The following HDAC9 variants were observed in gnomAD, a reference collection of about 807,000 sequenced individuals.
HDAC9 encodes MEF-2 interacting transcription repressor (MITR) protein.
A neutral mutation model predicts 139.4 loss-of-function variants in HDAC9; 41 were observed. The observed-to-expected ratio is 0.29, with a 90% CI of 0.23 to 0.38. HDAC9 has a LOEUF of 0.38. HDAC9 is among the 10% of genes least tolerant of loss of function. The pLI, the probability that HDAC9 is intolerant of heterozygous loss-of-function variation, is 1.00. For missense variants in HDAC9, 1,147 were observed against 1,297.0 expected, an observed-to-expected ratio of 0.88 and a Z score of 1.78; for synonymous variants, 517 against 476.2, an observed-to-expected ratio of 1.09 and a Z score of -1.12.
At chr7:18,935,354 AATATT>A (rs1211550557) in intron 22 of HDAC9, among the ~76,000 whole-genome samples, 1 of 152,208 alleles carries the variant, frequency 6.6e-6, no homozygotes, top group African/African-American at 2.4e-5. Context: ...AGATAATGTA[AATATT>A]ATATTAGATA....
chr7:18,423,469 T>C (rs550663089), intron 1 of HDAC9, among the ~76,000 whole-genome samples: 108 of 152,246 alleles, frequency 7.1e-4, no homozygotes, highest in Non-Finnish European at 1.4e-3. Flanking sequence ...CTTAAAAGAA[T>C]AGATTTAACG....
intron 22 of HDAC9, among the ~76,000 whole-genome samples, chr7:18,920,689 C>A (rs1018059369): frequency 2.9e-4 from 44 of 152,004 alleles, no homozygotes; most frequent in Admixed American, 1.7e-3. Flanking sequence ...ATTTATTGAG[C>A]GTTTTTAGCA....
At chr7:18,125,699 G>A (rs142341179) in intron 1 of HDAC9, among the ~76,000 whole-genome samples, 12 of 152,152 alleles carry the variant, frequency 7.9e-5, no homozygotes, top group African/African-American at 2.6e-4. Context: ...CATATGGTCT[G>A]TGTTACAACT....
At chr7:18,738,278 A>T (rs559221442) in intron 13 of HDAC9, among the ~76,000 whole-genome samples, 106 of 152,216 alleles carry the variant, frequency 7.0e-4, no homozygotes, top group African/African-American at 2.5e-3. Context: ...TAATATTGTT[A>T]TGTGTGAATT....
At chr7:18,649,980 C>T (rs1172707977) in intron 11 of HDAC9, among the ~76,000 whole-genome samples, 2 of 152,120 alleles carry the variant, frequency 1.3e-5, no homozygotes, top group Non-Finnish European at 2.9e-5. Context: ...TATTTTATTG[C>T]TGTAGCACTT....
chr7:18,851,713 G>A (rs1797313411), intron 21 of HDAC9, among the ~76,000 whole-genome samples: 1 of 152,152 alleles, frequency 6.6e-6, no homozygotes, highest in Non-Finnish European at 1.5e-5. Flanking sequence ...ATGTTAGTTA[G>A]TATAGTGATT....
chr7:18,269,293 T>A (rs554036981), intron 2 of HDAC9, among the ~76,000 whole-genome samples: 1 of 152,318 alleles, frequency 6.6e-6, no homozygotes, highest in Admixed American at 6.5e-5. Flanking sequence ...GTGATTTGTA[T>A]CACTTGGCTA....
intron 1 of HDAC9, among the ~76,000 whole-genome samples, chr7:18,384,137 C>G (rs1785697343): frequency 6.6e-6 from 1 of 151,506 alleles, no homozygotes; most frequent in South Asian, 2.1e-4. Context: ...ATAGGAAGAT[C>G]TCATCTCTAC....
intron 17 of HDAC9, among the ~76,000 whole-genome samples, chr7:18,806,310 C>T (rs529374553): frequency 4.6e-5 from 7 of 152,310 alleles, no homozygotes; most frequent in Admixed American, 6.5e-5. Flanking sequence ...TGACAGGACT[C>T]AATGGGCCAA....
chr7:18,150,262 G>T (rs1289658070), intron 1 of HDAC9, among the ~76,000 whole-genome samples: 1 of 151,762 alleles, frequency 6.6e-6, no homozygotes. Flanking sequence ...CAACAAAACA[G>T]TCTGATTTAT....
intron 2 of HDAC9, among the ~76,000 whole-genome samples, chr7:18,192,199 A>T (rs1562730680): frequency 1.3e-5 from 2 of 151,720 alleles, no homozygotes; most frequent in Admixed American, 6.6e-5. Flanking sequence ...TAGAAAGTTA[A>T]TTTTTTTTTA....
At chr7:18,888,759 G>T (rs1017619138) in intron 22 of HDAC9, among the ~76,000 whole-genome samples, 1 of 152,144 alleles carries the variant, frequency 6.6e-6, no homozygotes, top group Non-Finnish European at 1.5e-5. Context: ...TTATTTTAAT[G>T]ATAGAAGTGA....
chr7:18,786,603 TTCCTTCCTTCCTTCCCTCCCTCCC>T lies in HDAC9; in HGVS notation c.2215-6728_2215-6705del, dbSNP rs1411204161. 2.9e-4 allele frequency among the ~76,000 whole-genome samples: 26 copies of T among 90,734 alleles called. 1 individual carries two copies. The highest frequency in any genetic ancestry group is 8.5e-4 in the African/African-American group (19 of 22,364). The allele number at this position is 90,734 out of a possible 152,430, so 59.5% of individuals were successfully genotyped here. ...CTGGCTGGCTTCCTTCCTTCCTTCC[TTCCTTCCTTCCTTCCCTCCCTCCC>T]TCCTTCCTTCCTTTCTTCCCTCCTT... On this transcript the variant is annotated intron_variant, in intron 16 of 25. Transcript: ENST00000686413.
chr7:18,917,038 A>G (rs1238632158), intron 22 of HDAC9, among the ~76,000 whole-genome samples: 1 of 152,022 alleles, frequency 6.6e-6, no homozygotes, highest in Non-Finnish European at 1.5e-5. Context: ...ATTGTGCCCA[A>G]TCAGAGATGA....
chr7:18,134,224 T>C (rs1289095102), intron 1 of HDAC9, among the ~76,000 whole-genome samples: 1 of 152,174 alleles, frequency 6.6e-6, no homozygotes, highest in Admixed American at 6.6e-5. Flanking sequence ...TTTCAGAGAC[T>C]AAATTATCTT....
intron 1 of HDAC9, among the ~76,000 whole-genome samples, chr7:18,375,585 G>A (rs915656342): frequency 1.1e-4 from 16 of 152,154 alleles, no homozygotes; most frequent in African/African-American, 4.8e-5. Flanking sequence ...CACCACATAT[G>A]TGGTGCAGAT....
intron 16 of HDAC9, chr7:18,793,025 C>T (rs1193834688): frequency 2.3e-5 from 6 of 256,326 alleles, no homozygotes; most frequent in Admixed American, 9.5e-5. Context: ...AAGCCAGATC[C>T]GGCCTATGTA....
At position 18,173,256 on chromosome 7, in the gene HDAC9, A is replaced by G. The variant is rs1478788463; in HGVS notation, c.25+10907A>G. Among the ~76,000 whole-genome samples the G allele has an allele frequency of 5.9e-5, 9 of 152,238 alleles. No individual in the cohort carries two copies. In the East Asian group the frequency reaches 1.7e-3, roughly 29 times the overall value. On this transcript the variant is annotated intron_variant, in intron 2 of 12. Transcript: ENST00000417496. ...TTGTTGGTTTAAAGTCTGTTTTATCAGAGACTAGGATTGCAACCCCTGTTT... is the reference window on the plus strand; with the variant it reads ...TTGTTGGTTTAAAGTCTGTTTTATCGGAGACTAGGATTGCAACCCCTGTTT...
At chr7:18,278,485 G>A (rs2128218548) in intron 2 of HDAC9, among the ~76,000 whole-genome samples, 1 of 152,280 alleles carries the variant, frequency 6.6e-6, no homozygotes, top group East Asian at 1.9e-4. Context: ...TGTTGCCACA[G>A]CAGCACCAAT....
Sources: allele counts gnomAD v4.1 joint callset (sites outside exome capture counted in the v4.1 genomes callset), GRCh38; gene constraint gnomAD v4.1.1; transcripts MANE v1.5; gene names NCBI Gene and HGNC (gene_info 2026-07-23, HGNC 2026-07-21).